MAML2: variants seen among roughly 807,000 people sequenced by gnomAD.
The protein encoded by MAML2 is mastermind-like protein 2.
In MAML2, 22 loss-of-function variants were observed where a neutral mutation model predicts 96.1. The ratio of observed to expected loss-of-function variants is 0.23; its 90% CI spans 0.16 to 0.33. MAML2 has a LOEUF of 0.33. Among genes scored for constraint, MAML2 ranks in the 10% least tolerant of loss-of-function variants. The probability of loss-of-function intolerance (pLI) is 1.00; values close to 1 mark genes in which losing one functional copy is unlikely to be tolerated. For missense variants in MAML2, 1,367 were observed against 1,392.4 expected, an observed-to-expected ratio of 0.98 and a Z score of 0.29; for synonymous variants, 561 against 521.3, an observed-to-expected ratio of 1.08 and a Z score of -1.04.
intron 1 of MAML2, among the ~76,000 whole-genome samples, chr11:96,128,080 A>T (rs1425511131): frequency 6.6e-6 from 1 of 152,104 alleles, no homozygotes; most frequent in Non-Finnish European, 1.5e-5. Context: ...TGGGTCTAAA[A>T]AGCTCCCAGG....
intron 2 of MAML2, among the ~76,000 whole-genome samples, chr11:96,023,219 C>T (rs1431497372): frequency 2.0e-5 from 3 of 152,214 alleles, no homozygotes; most frequent in African/African-American, 7.2e-5. Context: ...GGTTCAACCA[C>T]ACTGCGTCCC....
At chr11:96,221,738 T>G (rs1862142637) in intron 1 of MAML2, among the ~76,000 whole-genome samples, 1 of 150,870 alleles carries the variant, frequency 6.6e-6, no homozygotes, top group Non-Finnish European at 1.5e-5. Context: ...GATTTTGCAC[T>G]TGAAAATTTC....
intron 2 of MAML2, among the ~76,000 whole-genome samples, chr11:96,040,414 T>C (rs1211725598): frequency 6.6e-6 from 1 of 152,096 alleles, no homozygotes; most frequent in Non-Finnish European, 1.5e-5. Flanking sequence ...TTGCACACAA[T>C]ATATGACCTT....
At chr11:96,122,023 A>G (rs1307358411) in intron 1 of MAML2, among the ~76,000 whole-genome samples, 1 of 122,642 alleles carries the variant, frequency 8.2e-6, no homozygotes. Flanking sequence ...TGTTAGCCAG[A>G]ATGGTCTCGA....
chr11:95,983,378 G>A (rs1239950977), intron 4 of MAML2, among the ~76,000 whole-genome samples: 1 of 152,196 alleles, frequency 6.6e-6, no homozygotes, highest in Non-Finnish European at 1.5e-5. Flanking sequence ...GTAGAGAATA[G>A]AATTGCGGTT....
At chr11:96,007,551 C>T (rs1446325229) in intron 2 of MAML2, among the ~76,000 whole-genome samples, 3 of 151,886 alleles carry the variant, frequency 2.0e-5, no homozygotes, top group Non-Finnish European at 4.4e-5. Context: ...TGTATGTTTT[C>T]TTTTACTACA....
At chr11:96,271,649 G>A (rs1377065996) in intron 1 of MAML2, among the ~76,000 whole-genome samples, 3 of 152,082 alleles carry the variant, frequency 2.0e-5, no homozygotes, top group African/African-American at 4.8e-5. Flanking sequence ...AGAAAGATGT[G>A]TTTGCTTCCC....
chr11:96,006,870 TATAC>T (rs754647587), intron 2 of MAML2, among the ~76,000 whole-genome samples: 1,384 of 109,868 alleles, frequency 0.013, 14 homozygotes, highest in East Asian at 0.072. Context: ...AGGAATATCT[TATAC>T]ACACACACAC....
In MAML2 at chr11:95,979,896, A is replaced by G. The variant is rs956386666; in HGVS notation, c.2523T>C (p.Ile841=). 6.8e-6 allele frequency: 11 copies of G among 1,613,758 alleles called. No homozygotes were observed. Among genetic ancestry groups the G allele is most frequent in the African/African-American group, 2.7e-5 (2 of 74,892 alleles). ...ACAGGAGGCTGGAATTGGGAGTTAA[A>G]ATGGTGTGTGTTGAAACTGGGTTTG... The part of the protein sequence containing the change: ...ALANPVSTHT[I]LTPNSSLLST... Residue 841 remains isoleucine (I), a synonymous_variant, in exon 5 of 5, where the codon ATT becomes ATC. Coordinates refer to ENST00000524717, the MANE Select transcript of MAML2 (RefSeq NM_032427.4).
chr11:96,163,321 G>A (rs1159965083), intron 1 of MAML2, among the ~76,000 whole-genome samples: 1 of 152,154 alleles, frequency 6.6e-6, no homozygotes, highest in African/African-American at 2.4e-5. Context: ...TAGAGTTGAT[G>A]AGGCTCCTTC....
intron 1 of MAML2, among the ~76,000 whole-genome samples, chr11:96,336,890 T>C (rs918088309): frequency 6.6e-6 from 1 of 152,240 alleles, no homozygotes; most frequent in Admixed American, 6.5e-5. Flanking sequence ...TTAGAAACAT[T>C]TGATGAACAT....
intron 1 of MAML2, among the ~76,000 whole-genome samples, chr11:96,156,105 T>G (rs542622164): frequency 3.3e-5 from 5 of 152,312 alleles, no homozygotes; most frequent in South Asian, 2.1e-4. Flanking sequence ...CCTGGTTTGC[T>G]AACATGCTTC....
intron 2 of MAML2, among the ~76,000 whole-genome samples, chr11:96,088,540 C>T (rs1323608206): frequency 6.6e-6 from 1 of 152,144 alleles, no homozygotes; most frequent in Non-Finnish European, 1.5e-5. Context: ...TTGCCCTATC[C>T]CATAATCCTC....
chr11:96,022,628 C>CA (rs1324084848), intron 2 of MAML2, among the ~76,000 whole-genome samples: 3 of 152,096 alleles, frequency 2.0e-5, no homozygotes, highest in African/African-American at 7.2e-5. Flanking sequence ...GGCTAAGAGG[C>CA]AAAAAACATG....
At chr11:96,074,395 C>G (rs1204825568) in intron 2 of MAML2, among the ~76,000 whole-genome samples, 1 of 152,220 alleles carries the variant, frequency 6.6e-6, no homozygotes, top group Non-Finnish European at 1.5e-5. Context: ...TTATCAAACT[C>G]TTATTTGCAG....
In MAML2 at chr11:96,240,018, G is replaced by A. The variant is rs139751529; in HGVS notation, c.513+101365C>T. Among the ~76,000 whole-genome samples, 394 of 152,262 alleles carry A rather than the reference G, an allele frequency of 2.6e-3. 1 individual carries two copies. The highest frequency in any genetic ancestry group is 4.2e-3 in the Non-Finnish European group (288 of 68,026). On this transcript the variant is annotated intron_variant, in intron 1 of 4. Transcript: ENST00000524717. ...ATAGGCTTCATAGGCATCATCATCAGTTACAGTCTATGAGAATATATTAAC... is the reference window on the plus strand; with the variant it reads ...ATAGGCTTCATAGGCATCATCATCAATTACAGTCTATGAGAATATATTAAC...
intron 1 of MAML2, among the ~76,000 whole-genome samples, chr11:96,166,150 G>GTCTCTC (rs1491027512): frequency 1.7e-5 from 1 of 59,416 alleles, no homozygotes; most frequent in African/African-American, 5.4e-5. Context: ...CTCTCTCTCT[G>GTCTCTC]TCTGTCTCTC....
Position 96,213,733 on chromosome 11 carries a change from T to C in MAML2, c.514-120216A>G, listed in dbSNP as rs78133644. ...GATAAGGTTTTAAGTTCCCCACCAT[T>C]AGTCATCACTTGGAGAAAAGTGACA... On this transcript the variant is annotated intron_variant, in intron 1 of 4. Transcript: ENST00000524717. 5.5e-3 allele frequency among the ~76,000 whole-genome samples: 839 copies of C among 152,308 alleles called. 9 individuals carry two copies. Among genetic ancestry groups the C allele is most frequent in the African/African-American group, 0.019 (799 of 41,562 alleles).
At chr11:96,027,867 G>A (rs531048277) in intron 2 of MAML2, among the ~76,000 whole-genome samples, 1 of 152,192 alleles carries the variant, frequency 6.6e-6, no homozygotes, top group African/African-American at 2.4e-5. Context: ...AAGTAGCTGG[G>A]ACTACAGGTA....
Sources: allele counts gnomAD v4.1 joint callset (sites outside exome capture counted in the v4.1 genomes callset), GRCh38; gene constraint gnomAD v4.1.1; transcripts MANE v1.5; gene names NCBI Gene and HGNC (gene_info 2026-07-23, HGNC 2026-07-21).